Variants in CHN2 observed in about 807,000 individuals in gnomAD.
CHN2 encodes the protein beta-chimaerin.
A neutral mutation model predicts 56.3 loss-of-function variants in CHN2; 35 were observed. That is an observed-to-expected ratio of 0.62 (90% CI 0.47 to 0.82). The LOEUF (loss-of-function observed/expected upper bound fraction) is 0.82, where lower values mean the gene tolerates loss of function less well. Ranked by LOEUF, CHN2 falls within the 40% of genes least tolerant of loss-of-function variation. CHN2 has a pLI of 0.00. For synonymous variants in CHN2, 210 were observed against 212.8 expected, an observed-to-expected ratio of 0.99 and a Z score of 0.12; for missense variants, 491 against 580.5, an observed-to-expected ratio of 0.85 and a Z score of 1.58.
At chr7:29,409,395 T>G (rs1802978481) in intron 6 of CHN2, among the ~76,000 whole-genome samples, 1 of 152,234 alleles carries the variant, frequency 6.6e-6, no homozygotes, top group African/African-American at 2.4e-5. Flanking sequence ...TGTGTTAGTA[T>G]GAATAACATA....
chr7:29,482,791 T>TTTTTTC (rs1449439020), intron 7 of CHN2, among the ~76,000 whole-genome samples: 4 of 116,134 alleles, frequency 3.4e-5, no homozygotes, highest in Non-Finnish European at 6.7e-5. Flanking sequence ...CTGTCTGCAC[T>TTTTTTC]TTTTTCTTTT....
At chr7:29,363,472 A>G (rs1009920026) in intron 2 of CHN2, among the ~76,000 whole-genome samples, 3 of 152,056 alleles carry the variant, frequency 2.0e-5, no homozygotes, top group Non-Finnish European at 4.4e-5. Context: ...GCAACAGAGC[A>G]AGCCTCCATC....
At chr7:29,331,177 C>T (rs1217153635) in intron 1 of CHN2, among the ~76,000 whole-genome samples, 5 of 152,134 alleles carry the variant, frequency 3.3e-5, no homozygotes, top group Admixed American at 1.3e-4. Flanking sequence ...TAGGGGGTGA[C>T]GGAGGACATC....
intron 1 of CHN2, among the ~76,000 whole-genome samples, chr7:29,220,471 G>A (rs1214761815): frequency 6.6e-6 from 1 of 151,426 alleles, no homozygotes; most frequent in Non-Finnish European, 1.5e-5. Context: ...AAAAAACAAG[G>A]GGATCACCAC....
At chr7:29,484,888 T>C (rs1787786687) in intron 7 of CHN2, among the ~76,000 whole-genome samples, 1 of 152,236 alleles carries the variant, frequency 6.6e-6, no homozygotes, top group African/African-American at 2.4e-5. Context: ...GGTCTTTAGA[T>C]GTAATCTAAT....
intron 3 of CHN2, among the ~76,000 whole-genome samples, chr7:29,377,994 A>T (rs1365265748): frequency 6.6e-6 from 1 of 152,206 alleles, no homozygotes; most frequent in Non-Finnish European, 1.5e-5. Flanking sequence ...CGATTGTTTG[A>T]TGAATGTTCT....
At chr7:29,440,174 T>G (rs1783526473) in intron 6 of CHN2, among the ~76,000 whole-genome samples, 1 of 152,226 alleles carries the variant, frequency 6.6e-6, no homozygotes, top group Admixed American at 6.5e-5. Flanking sequence ...CCCTCACTGA[T>G]TATAGCATGG....
upstream of CHN2, chr7:29,194,467 G>C (rs992837805): frequency 1.3e-5 from 2 of 155,814 alleles, no homozygotes; most frequent in Non-Finnish European, 2.8e-5. Flanking sequence ...GGGGGAGGTC[G>C]CTCTGTCTGT....
At chr7:29,296,437 A>G (rs1039955330) in intron 1 of CHN2, among the ~76,000 whole-genome samples, 2 of 152,240 alleles carry the variant, frequency 1.3e-5, no homozygotes, top group Non-Finnish European at 2.9e-5. Context: ...ATTGAAGCAT[A>G]TGCTAAAATG....
chr7:29,252,484 G>A (rs1258323129), intron 1 of CHN2, among the ~76,000 whole-genome samples: 1 of 150,876 alleles, frequency 6.6e-6, no homozygotes. Context: ...CACTGCACCC[G>A]GCCGATTATA....
upstream of CHN2, among the ~76,000 whole-genome samples, chr7:29,190,557 A>C (rs1188102100): frequency 6.6e-6 from 1 of 152,234 alleles, no homozygotes; most frequent in South Asian, 2.1e-4. Context: ...GCTACCCTGC[A>C]AACAATAAAT....
intron 1 of CHN2, among the ~76,000 whole-genome samples, chr7:29,226,294 TC>T (rs1786189083): frequency 6.6e-6 from 1 of 152,130 alleles, no homozygotes; most frequent in Non-Finnish European, 1.5e-5. Flanking sequence ...TTTGAAAACT[TC>T]CATTATGTAA....
intron 2 of CHN2, among the ~76,000 whole-genome samples, chr7:29,157,180 C>T (rs1484707977): frequency 6.6e-6 from 1 of 152,184 alleles, no homozygotes; most frequent in Non-Finnish European, 1.5e-5. Context: ...ACATCCTAAT[C>T]ACCCACATCA....
At chr7:29,230,303 A>G (rs182808644) in intron 1 of CHN2, among the ~76,000 whole-genome samples, 6 of 152,330 alleles carry the variant, frequency 3.9e-5, no homozygotes, top group African/African-American at 1.2e-4. Flanking sequence ...TTGTAAAAAT[A>G]ACTTACCTAA....
chr7:29,225,654 A>G (rs987520419), intron 1 of CHN2, among the ~76,000 whole-genome samples: 3 of 152,178 alleles, frequency 2.0e-5, no homozygotes, highest in Non-Finnish European at 4.4e-5. Context: ...TGGAAAACCT[A>G]ATCCAGAAGT....
chr7:29,494,561 C>T (rs767455361), intron 7 of CHN2, among the ~76,000 whole-genome samples: 10 of 152,032 alleles, frequency 6.6e-5, no homozygotes, highest in Non-Finnish European at 1.5e-4. Flanking sequence ...TTAAAAAATG[C>T]TTTGTCATTT....
chr7:29,202,731 C>G (rs760034638), intron 1 of CHN2, among the ~76,000 whole-genome samples: 20 of 152,244 alleles, frequency 1.3e-4, no homozygotes, highest in Non-Finnish European at 2.4e-4. Context: ...CCTCTGCACC[C>G]TCAGTACTGG....
chr7:29,280,583 T>C (rs1457828767), intron 1 of CHN2, among the ~76,000 whole-genome samples: 1 of 152,044 alleles, frequency 6.6e-6, no homozygotes, highest in East Asian at 1.9e-4. Context: ...TAAACAAACC[T>C]ACTAAGTACA....
At chr7:29,281,140 G>T (rs1215466212) in intron 1 of CHN2, among the ~76,000 whole-genome samples, 2 of 152,286 alleles carry the variant, frequency 1.3e-5, no homozygotes, top group African/African-American at 4.8e-5. Flanking sequence ...ATAGTGAAAA[G>T]TCTCCCTTGT....
Sources: gnomAD v4.1 joint callset for allele counts (sites outside exome capture counted in the v4.1 genomes callset) on GRCh38, gnomAD v4.1.1 for gene constraint, MANE v1.5 for transcripts, NCBI Gene and HGNC (gene_info 2026-07-23, HGNC 2026-07-21) for gene names.